CACTIN: variants seen among roughly 807,000 people sequenced by gnomAD.
The protein encoded by CACTIN is cactin, spliceosome C complex subunit, also known as splicing factor Cactin.
In CACTIN, 20 loss-of-function variants were observed where a neutral mutation model predicts 84.9. The ratio of observed to expected loss-of-function variants is 0.24; its 90% confidence interval spans 0.17 to 0.34. The LOEUF (loss-of-function observed/expected upper bound fraction) is 0.34. Among genes scored for constraint, CACTIN ranks in the 10% least tolerant of loss-of-function variants. The pLI is 1.00. For synonymous variants in CACTIN, 549 were observed against 467.9 expected (o/e 1.17, Z -2.24); for missense variants, 897 against 1,117.2 (o/e 0.80, Z 2.81).
intron 9 of CACTIN, chr19:3,612,685 G>A (rs73920175): frequency 0.022 from 15,214 of 706,314 alleles, 521 homozygotes; most frequent in African/African-American, 0.12. Context: ...GGAGAACCTG[G>A]TGGTTAGGGC....
At chr19:3,621,029 A>AG in intron 2 of CACTIN, 1 of 648,940 alleles carries the variant, frequency 1.5e-6, no homozygotes, top group South Asian at 1.7e-5. Context: ...AAGGGTAAGA[A>AG]GGGGCTACCC....
At position 3,624,001 on chromosome 19, in the gene CACTIN, G is replaced by A; in HGVS notation, c.329C>T (p.Ser110Phe). 1.2e-6 allele frequency: 2 copies of A among 1,605,660 alleles called. No individual in the cohort carries two copies. Among genetic ancestry groups the A allele is most frequent in the Non-Finnish European group, 1.7e-6 (2 of 1,179,378 alleles). The change falls in exon 2 of 10, where the codon TCT (serine) becomes TTT (phenylalanine). Residue 110 changes from serine (S) to phenylalanine (F), a missense_variant. Ser to Phe is a radical substitution (Grantham distance 155, BLOSUM62 -2). Around this residue, in one of 8 missense-constraint regions of CACTIN, gnomAD observed 261 missense variants for 243.8 expected, o/e 1.07. Transcript: ENST00000429344. ...ARRRRRARSWSPSSSASSSAS... is the reference protein window; with the variant it reads ...ARRRRRARSWFPSSSASSSAS... ...GGAGCTGGATGCTGAGGAGCTAGGA[G>A]ACCACGAGCGTGCGCGCCGTCGCCG...
chr19:3,612,500 G>A (rs1407073733), intron 9 of CACTIN, 87 bp from the exon 10 acceptor site: 51 of 1,458,330 alleles, frequency 3.5e-5, no homozygotes, highest in Non-Finnish European at 4.5e-5. Flanking sequence ...GGCGGCCGCT[G>A]GTGCCTCCCG....
At chr19:3,612,644 C>A in intron 9 of CACTIN, 1 of 722,978 alleles carries the variant, frequency 1.4e-6, no homozygotes, top group Non-Finnish European at 2.4e-6. Context: ...GGGTGGGGAC[C>A]AAGCGCAGCG....
intron 3 of CACTIN, 112 bp from the exon 4 acceptor site, chr19:3,620,384 G>A: frequency 8.1e-7 from 1 of 1,233,078 alleles, no homozygotes; most frequent in South Asian, 1.3e-5. Context: ...TGGGCACAGG[G>A]ATTGGTCCGG....
chr19:3,621,086 C>T (rs778659167), intron 2 of CACTIN: 12 of 530,090 alleles, frequency 2.3e-5, no homozygotes, highest in Non-Finnish European at 3.8e-5. Flanking sequence ...CAACTCCCAA[C>T]AGGAGGGCCT....
In CACTIN at chr19:3,615,025, G is replaced by C. The variant is rs1193021338; in HGVS notation, c.1163-436C>G. 1.5e-5 allele frequency: 4 copies of C among 258,912 alleles called. No individual in the cohort carries two copies. The highest frequency in any genetic ancestry group is 3.0e-5 in the Non-Finnish European group (4 of 131,504). The allele number at this position is 258,912 out of a possible 1,614,324, so 16.0% of individuals were successfully genotyped here. A position where few individuals can be genotyped will look rare whatever the true frequency, so the allele number is the denominator to read the frequency against. On this transcript the variant is annotated intron_variant, in intron 6 of 9. Transcript: ENST00000429344. The surrounding 1 kb of genome is among the most constrained non-coding windows in gnomAD (Gnocchi z 5.2). ...CGGTAGCCAGGCTCTCTGGAATTCA[G>C]ATCTTCTCTGCCAGCCTGGGCTGTG...
rs760773303 is a variant in CACTIN, at chr19:3,624,022, C to T, written c.308G>A (p.Arg103Gln). 8 of 1,605,360 alleles carry T rather than the reference C, an allele frequency of 5.0e-6. No homozygotes were observed. Among genetic ancestry groups the T allele is most frequent in the African/African-American group, 4.0e-5 (3 of 74,940 alleles). The part of the protein sequence containing the change: ...EQSRGQWARR[R>Q]RRARSWSPSS... ...AGGAGACCACGAGCGTGCGCGCCGT[C>T]GCCGGCGAGCCCACTGGCCCCGTGA... Residue 103 changes from arginine (R) to glutamine (Q), a missense_variant, in exon 2 of 10, where the codon CGA becomes CAA. This residue lies in a region of CACTIN where 261 missense variants were observed against 243.8 expected (regional missense o/e 1.07). Transcript: ENST00000429344.
In CACTIN at chr19:3,612,128, G is replaced by A; in HGVS notation, c.2072C>T (p.Thr691Met). Residue 691 changes from threonine to methionine, a missense_variant, in exon 10 of 10, where the codon ACG becomes ATG. This residue lies in a region of CACTIN where 50 missense variants were observed against 51.6 expected (regional missense o/e 0.97). Coordinates refer to ENST00000429344, the MANE Select transcript of CACTIN (RefSeq NM_001080543.2). ...GCAGGCCTCCAGGAAGTACTCGGGC[G>A]TGGAGCGCTTGTCGATGAGGTCGGG... Reference protein sequence around the residue: ...FYPDLIDKRSTPEYFLEACAD... With the variant: ...FYPDLIDKRSMPEYFLEACAD... 1 of 1,613,818 alleles carries A rather than the reference G, an allele frequency of 6.2e-7. No homozygotes were observed. The highest frequency in any genetic ancestry group is 1.1e-5 in the South Asian group (1 of 91,092).
intron 9 of CACTIN, chr19:3,612,688 G>T: frequency 2.8e-6 from 2 of 705,440 alleles, no homozygotes; most frequent in Non-Finnish European, 5.1e-6. Flanking sequence ...GAACCTGGTG[G>T]TTAGGGCCTG....
chr19:3,623,833 T>C lies in CACTIN; in HGVS notation c.497A>G (p.Lys166Arg). The C allele has an allele frequency of 6.2e-7, 1 of 1,612,916 alleles. No individual in the cohort carries two copies. Among genetic ancestry groups the C allele is most frequent in the Non-Finnish European group, 8.5e-7 (1 of 1,179,882 alleles). ...LMKAFETPEE[K>R]RARRLAKKEA... ...CTTCTTGGCCAGCCGCCGTGCGCGCTTCTCCTCGGGCGTCTCGAAGGCCTT... is the reference window on the plus strand; with the variant it reads ...CTTCTTGGCCAGCCGCCGTGCGCGCCTCTCCTCGGGCGTCTCGAAGGCCTT... Residue 166 changes from lysine to arginine, a missense_variant, in exon 2 of 10, where the codon AAG (lysine) becomes AGG (arginine). By Grantham distance (26) the Lys-to-Arg change is conservative. Coordinates refer to ENST00000429344, the MANE Select transcript of CACTIN (RefSeq NM_001080543.2).
chr19:3,616,591 G>C (rs1225181969), intron 6 of CACTIN: 2 of 151,980 alleles, frequency 1.3e-5, no homozygotes, highest in African/African-American at 4.8e-5. Context: ...CCTGGCAAGA[G>C]AGCAAGACAC....
At chr19:3,612,938 A>G (rs746464089) in intron 9 of CACTIN, 120 bp downstream of exon 9, 23 of 1,204,036 alleles carry the variant, frequency 1.9e-5, no homozygotes, top group Admixed American at 6.0e-5. Context: ...GACCCGGGGG[A>G]GAAGCAGCAA....
In CACTIN at chr19:3,613,603, G is replaced by C. The variant is rs536985474; in HGVS notation, c.1356-17C>G. ...TCACGCAGCCTGGGACGCAGAGCCG[G>C]GGTCACCCGCATGGAGGCGAAGGGG... On this transcript the variant is annotated splice_polypyrimidine_tract_variant and intron_variant, in intron 7 of 9. Transcript: ENST00000429344. The C allele has an allele frequency of 1.7e-4, 267 of 1,592,538 alleles. No homozygotes were observed. The Middle Eastern group carries it at 1.9e-3, about 11-fold the overall frequency.
At position 3,626,676 on chromosome 19, in the gene CACTIN, G is replaced by A. The variant is rs749900957; in HGVS notation, c.87C>T (p.Ser29=). The change falls in exon 1 of 10, where the codon AGC becomes AGT. Residue 29 remains serine (S), a synonymous_variant. Transcript: ENST00000429344. ...GTCGGTTTCGCCGCCCATGGCTCCT[G>A]CTCCGACTTCGGCTCCCGCTCTGAC... ...RQSQSGSRSR[S]RSHGRRNRRR... is the part of the protein sequence containing the mutation. 4.6e-6 allele frequency: 7 copies of A among 1,528,334 alleles called. No homozygotes were observed. The South Asian group carries it at 4.9e-5, about 11-fold the overall frequency. The allele number at this position is 1,528,334 out of a possible 1,614,324, so 94.7% of individuals were successfully genotyped here.
rs767589909 is a variant in CACTIN, at chr19:3,620,110, G to A, written c.884+17C>T. 2 of 1,608,288 alleles carry A rather than the reference G, an allele frequency of 1.2e-6. No individual in the cohort carries two copies. Among genetic ancestry groups the A allele is most frequent in the Admixed American group, 1.7e-5 (1 of 59,970 alleles). ...GCTCCAAGTCTGGGTCGGAGGGAGG[G>A]GGAGGCCCCAGCGCACCGCAGCTTG... On this transcript the variant is annotated intron_variant, in intron 4 of 9. Transcript: ENST00000429344.
intron 9 of CACTIN, 71 bp downstream of exon 9, chr19:3,612,987 T>C (rs1418502804): frequency 1.3e-6 from 2 of 1,491,436 alleles, no homozygotes; most frequent in East Asian, 2.5e-5. Context: ...GGCCGGGAAA[T>C]GAGGCTGGAG....
intron 4 of CACTIN, among the ~76,000 whole-genome samples, chr19:3,619,490 G>T (rs1156784502): frequency 1.3e-5 from 2 of 152,214 alleles, no homozygotes; most frequent in African/African-American, 4.8e-5. Context: ...GGGCCAGGTG[G>T]GAGGGGCTTC....
Position 3,623,902 on chromosome 19 carries a change from C to T in CACTIN, c.428G>A (p.Arg143Gln), listed in dbSNP as rs1034101816. ...CTTCCGCTCCTCCCGCAGCCGCAGCCGCTCCTGCAGGCTCTGCTGCTGGCT... is the reference window on the plus strand; with the variant it reads ...CTTCCGCTCCTCCCGCAGCCGCAGCTGCTCCTGCAGGCTCTGCTGCTGGCT... ...ALSQQQSLQE[R>Q]LRLREERKQQ... Residue 143 changes from arginine (R) to glutamine (Q), a missense_variant, in exon 2 of 10, where the codon CGG (arginine) becomes CAG (glutamine). By Grantham distance (43) the Arg-to-Gln change is conservative (BLOSUM62 1). This residue lies in a region of CACTIN where 261 missense variants were observed against 243.8 expected (regional missense o/e 1.07). Transcript: ENST00000429344. 1.7e-5 allele frequency: 27 copies of T among 1,606,818 alleles called. No individual in the cohort carries two copies. Among genetic ancestry groups the T allele is most frequent in the East Asian group, 6.7e-5 (3 of 44,872 alleles).
Sources: allele counts gnomAD v4.1 joint callset (sites outside exome capture counted in the v4.1 genomes callset), GRCh38; gene constraint gnomAD v4.1.1; regional missense constraint gnomAD v4.1.1; non-coding constraint Gnocchi (gnomAD v3.1); transcripts MANE v1.5; gene names NCBI Gene and HGNC (gene_info 2026-07-23, HGNC 2026-07-21).